UBOX5: variants seen among roughly 807,000 people sequenced by gnomAD.
The protein encoded by UBOX5 is RING finger protein 37.
A neutral mutation model predicts 39.0 loss-of-function variants in UBOX5; 28 were observed. That is an observed-to-expected ratio of 0.72 (90% CI 0.53 to 0.98). UBOX5 has a LOEUF of 0.98. Among genes scored for constraint, UBOX5 ranks in the 50% least tolerant of loss-of-function variants. UBOX5 has a pLI of 0.00. For missense variants in UBOX5, 585 were observed against 674.4 expected, an observed-to-expected ratio of 0.87 and a Z score of 1.47; for synonymous variants, 283 against 275.5, an observed-to-expected ratio of 1.03 and a Z score of -0.27.
At chr20:3,147,520 G>C (rs372260638) in intron 1 of UBOX5, 4 of 1,614,136 alleles carry the variant, frequency 2.5e-6, no homozygotes, top group Middle Eastern at 1.6e-4. Flanking sequence ...CTGTACCATC[G>C]AGGGTATATA....
chr20:3,145,307 A>G (rs2066550735), intron 1 of UBOX5, among the ~76,000 whole-genome samples: 1 of 151,982 alleles, frequency 6.6e-6, no homozygotes, highest in South Asian at 2.1e-4. Flanking sequence ...GTGCATCACC[A>G]TGCCCAGCTA....
At chr20:3,159,413 G>A (rs903259662) in intron 1 of UBOX5, among the ~76,000 whole-genome samples, 3 of 152,106 alleles carry the variant, frequency 2.0e-5, no homozygotes, top group Non-Finnish European at 4.4e-5. Flanking sequence ...TAAGCGATTC[G>A]CAGGCACATC....
chr20:3,128,285 T>C (rs1280973294), intron 1 of UBOX5, among the ~76,000 whole-genome samples: 3 of 152,172 alleles, frequency 2.0e-5, no homozygotes, highest in Non-Finnish European at 4.4e-5. Flanking sequence ...TTGTTTTAAA[T>C]GTAAAATTAA....
chr20:3,143,172 A>G (rs1449179824), intron 1 of UBOX5, among the ~76,000 whole-genome samples: 1 of 131,322 alleles, frequency 7.6e-6, no homozygotes, highest in Non-Finnish European at 1.5e-5. Context: ...CAGTGGCATG[A>G]TCTCAACTCA....
rs549247818 is a variant in UBOX5 at position 3,158,183 on chromosome 20, T to C, written c.-42+1583A>G. Among the ~76,000 whole-genome samples the C allele has an allele frequency of 5.9e-5, 9 of 152,230 alleles. No homozygotes were observed. In the South Asian group the frequency reaches 1.5e-3, roughly 25 times the overall value. ...AGAGTTTCCCTATGTTGCCCCCAGG[T>C]TGGTCTCGAACTCCTGGGCTCAAGT... On this transcript the variant is annotated intron_variant, in intron 1 of 4. Transcript: ENST00000217173.
chr20:3,118,102 G>A (rs1292794186), intron 3 of UBOX5, among the ~76,000 whole-genome samples: 1 of 151,792 alleles, frequency 6.6e-6, no homozygotes. Context: ...AGGTCGCAGT[G>A]AGCAGAGATT....
In UBOX5 at chr20:3,121,927, C is replaced by T. The variant is rs1165259230; in HGVS notation, c.712G>A (p.Asp238Asn). Reference protein sequence around the residue: ...LPMESDCDPGDQPESQQAPSS... With the variant: ...LPMESDCDPGNQPESQQAPSS... ...GGAGCCTGCTGGCTCTCAGGCTGGT[C>T]CCCAGGGTCACAGTCACTTTCCATG... Residue 238 changes from aspartate (D) to asparagine (N), a missense_variant, in exon 3 of 5, where the codon GAC (aspartate) becomes AAC (asparagine). Transcript: ENST00000217173. 1 of 1,613,770 alleles carries T rather than the reference C, an allele frequency of 6.2e-7. No homozygotes were observed.
intron 1 of UBOX5, chr20:3,147,318 T>C (rs2066575337): frequency 1.2e-6 from 2 of 1,614,052 alleles, no homozygotes; most frequent in African/African-American, 1.3e-5. Flanking sequence ...GAAGATCGGG[T>C]ATGAGGCAAA....
chr20:3,111,652 T>G (rs2066254822), intron 4 of UBOX5: 1 of 152,616 alleles, frequency 6.6e-6, no homozygotes, highest in African/African-American at 2.4e-5. Context: ...AGAATGCCCT[T>G]ATCTGGAGAC....
chr20:3,134,107 C>CAT (rs138131119), intron 1 of UBOX5, among the ~76,000 whole-genome samples: 15,817 of 151,074 alleles, frequency 0.1, 879 homozygotes, highest in Middle Eastern at 0.13. Flanking sequence ...TATAGGTATG[C>CAT]ATATATATAT....
intron 1 of UBOX5, among the ~76,000 whole-genome samples, chr20:3,154,177 A>G (rs2066661215): frequency 6.6e-6 from 1 of 152,214 alleles, no homozygotes; most frequent in Non-Finnish European, 1.5e-5. Context: ...GAAAAAGGTG[A>G]AGGAAGATCC....
intron 1 of UBOX5, among the ~76,000 whole-genome samples, chr20:3,128,119 G>A (rs145104888): frequency 1.6e-3 from 237 of 152,264 alleles, no homozygotes; most frequent in Middle Eastern, 3.4e-3. Context: ...TGTTCTCCAC[G>A]ATAAGTAAAA....
At chr20:3,134,686 C>T (rs1201896361) in intron 1 of UBOX5, among the ~76,000 whole-genome samples, 2 of 151,848 alleles carry the variant, frequency 1.3e-5, no homozygotes. Flanking sequence ...TGGTGAAACC[C>T]CATCTCCACT....
chr20:3,126,122 G>A (rs1426670857), intron 1 of UBOX5, among the ~76,000 whole-genome samples: 1 of 152,226 alleles, frequency 6.6e-6, no homozygotes, highest in African/African-American at 2.4e-5. Context: ...CTGTGTCTGT[G>A]TAGAAAGTAG....
intron 3 of UBOX5, among the ~76,000 whole-genome samples, chr20:3,119,629 G>A (rs1281271870): frequency 3.9e-5 from 6 of 151,936 alleles, no homozygotes; most frequent in East Asian, 1.9e-4. Context: ...TGAGGTGGGC[G>A]AATCACCTGA....
At chr20:3,112,499 A>G (rs1405700159) in intron 4 of UBOX5, among the ~76,000 whole-genome samples, 1 of 152,082 alleles carries the variant, frequency 6.6e-6, no homozygotes, top group African/African-American at 2.4e-5. Flanking sequence ...ACCCAAGTAT[A>G]TAACTGCAAA....
At chr20:3,140,802 C>T (rs946666456) in intron 1 of UBOX5, among the ~76,000 whole-genome samples, 1 of 150,652 alleles carries the variant, frequency 6.6e-6, no homozygotes, top group Non-Finnish European at 1.5e-5. Flanking sequence ...GTTTGGGGTA[C>T]AAATAATCAT....
At chr20:3,124,020 T>A (rs2148596634) in intron 1 of UBOX5, among the ~76,000 whole-genome samples, 1 of 152,140 alleles carries the variant, frequency 6.6e-6, no homozygotes, top group Middle Eastern at 3.4e-3. Flanking sequence ...GGTCTTGTTG[T>A]AGAGACCCCA....
rs1183987588 is a variant in UBOX5 at position 3,122,069 on chromosome 20, C to A, written c.570G>T (p.Arg190=). 3.1e-6 allele frequency: 5 copies of A among 1,614,258 alleles called. No homozygotes were observed. The highest frequency in any genetic ancestry group is 4.2e-6 in the Non-Finnish European group (5 of 1,180,048). The change falls in exon 3 of 5, where the codon CGG becomes CGT. Residue 190 remains arginine (R), a synonymous_variant. Coordinates refer to ENST00000217173, the MANE Select transcript of UBOX5 (RefSeq NM_014948.4). Reference sequence around the variant, plus strand: ...TGGCCGGCTGACCCCACACTTCCAACCGCTTGATACAAGGGATACCGCCGC... The same window carrying A: ...TGGCCGGCTGACCCCACACTTCCAAACGCTTGATACAAGGGATACCGCCGC... ...VTGGGIPCIK[R]LEVWGQPAKT...
Sources: gnomAD v4.1 joint callset for allele counts (sites outside exome capture counted in the v4.1 genomes callset) on GRCh38, gnomAD v4.1.1 for gene constraint, MANE v1.5 for transcripts, NCBI Gene and HGNC (gene_info 2026-07-23, HGNC 2026-07-21) for gene names.